Variants in CCDC150 observed in about 807,000 individuals in gnomAD.
CCDC150 encodes coiled-coil domain containing 150.
In CCDC150, 151 loss-of-function variants were observed where a neutral mutation model predicts 156.5. The observed-to-expected ratio is 0.97, with a 90% CI of 0.85 to 1.10. The LOEUF (loss-of-function observed/expected upper bound fraction) is 1.10. Among genes scored for constraint, CCDC150 ranks in the 50% least tolerant of loss-of-function variants. The pLI, the probability that CCDC150 is intolerant of heterozygous loss-of-function variation, is 0.00. For missense variants in CCDC150, 1,312 were observed against 1,268.1 expected, an observed-to-expected ratio of 1.03 and a Z score of -0.53; for synonymous variants, 452 against 429.4, an observed-to-expected ratio of 1.05 and a Z score of -0.65.
chr2:196,667,497 T>C (rs1693917695), intron 7 of CCDC150: 1 of 153,238 alleles, frequency 6.5e-6, no homozygotes, highest in Non-Finnish European at 1.5e-5. Context: ...TTCCAGGTAG[T>C]CTCAATGACA....
chr2:196,729,094 A>G, intron 22 of CCDC150, 99 bp from the exon 23 acceptor site: 1 of 1,094,468 alleles, frequency 9.1e-7, no homozygotes, highest in Non-Finnish European at 1.3e-6. Flanking sequence ...TCTCCTTTTT[A>G]AAAGAAGATC....
chr2:196,703,160 A>G (rs896917105), intron 15 of CCDC150, among the ~76,000 whole-genome samples: 2 of 152,204 alleles, frequency 1.3e-5, no homozygotes, highest in Non-Finnish European at 2.9e-5. Flanking sequence ...AGCAGCAACT[A>G]TGGAGCTGAT....
Position 196,718,565 on chromosome 2 carries a change from G to A in CCDC150, c.1929G>A (p.Ala643=), listed in dbSNP as rs777193035. 16 of 1,613,604 alleles carry A rather than the reference G, an allele frequency of 9.9e-6. No homozygotes were observed. The highest frequency in any genetic ancestry group is 2.2e-5 in the South Asian group (2 of 91,038). ...ELSRTVKCRN[A]ALKESQKLKE... is the part of the protein sequence containing the mutation. ...CCCGAACAGTGAAGTGTCGTAATGC[G>A]GCCCTGAAAGAGAGTCAGAAGTTGA... Residue 643 remains alanine, a synonymous_variant, in exon 18 of 28, where the codon GCG becomes GCA. Coordinates refer to ENST00000389175, the MANE Select transcript of CCDC150 (RefSeq NM_001080539.2).
chr2:196,700,729 G>A (rs1475613306), intron 14 of CCDC150, among the ~76,000 whole-genome samples: 1 of 152,062 alleles, frequency 6.6e-6, no homozygotes, highest in Non-Finnish European at 1.5e-5. Context: ...CAGTGGTCCT[G>A]GTCACTTGCA....
At chr2:196,720,335 G>T in intron 19 of CCDC150, 1 of 469,738 alleles carries the variant, frequency 2.1e-6, no homozygotes, top group Non-Finnish European at 4.0e-6. Flanking sequence ...CAAGGGAATG[G>T]TATTAAAAAT....
rs371013449 is a variant in CCDC150 at position 196,730,016 on chromosome 2, G to A, written c.2880G>A (p.Met960Ile). 1.4e-5 allele frequency: 23 copies of A among 1,613,630 alleles called. No individual in the cohort carries two copies. Among genetic ancestry groups the A allele is most frequent in the East Asian group, 2.2e-5 (1 of 44,896 alleles). ...CTAACCTGCAGAAAGAGATGCAGAT[G>A]TTGGCTAAGAGCCAATATGATGCCT... ...EMTNLQKEMQ[M>I]LAKSQYDASV... Residue 960 changes from methionine to isoleucine, a missense_variant, in exon 25 of 28, where the codon ATG becomes ATA. Met to Ile is a conservative substitution (Grantham distance 10, BLOSUM62 1). Transcript: ENST00000389175.
chr2:196,705,717 T>C (rs1696577029), intron 15 of CCDC150, among the ~76,000 whole-genome samples: 1 of 152,214 alleles, frequency 6.6e-6, no homozygotes. Context: ...CCATCTTGAA[T>C]TAATTTTTGT....
chr2:196,660,276 G>A (rs1693484597), intron 5 of CCDC150, among the ~76,000 whole-genome samples: 1 of 152,132 alleles, frequency 6.6e-6, no homozygotes, highest in Non-Finnish European at 1.5e-5. Flanking sequence ...TAAACATTGT[G>A]TGCAGGTTCT....
chr2:196,669,060 A>G (rs1437563477), intron 7 of CCDC150, among the ~76,000 whole-genome samples: 4 of 152,218 alleles, frequency 2.6e-5, no homozygotes, highest in Non-Finnish European at 4.4e-5. Context: ...CTACTAGTAT[A>G]TAATACCAAA....
Position 196,674,222 on chromosome 2 carries a change from G to T in CCDC150, c.1030-19G>T. ...TCTTTATTGGAGAGACCAATGACTT[G>T]CTGTGTGTGTTTTCTTAGGTTTTGA... On this transcript the variant is annotated intron_variant, in intron 9 of 27. Coordinates refer to ENST00000389175, the MANE Select transcript of CCDC150 (RefSeq NM_001080539.2). The T allele has an allele frequency of 2.1e-6, 3 of 1,440,000 alleles. No individual in the cohort carries two copies. The highest frequency in any genetic ancestry group is 2.8e-5 in the African/African-American group (2 of 70,774). The allele number at this position is 1,440,000 out of a possible 1,614,324, so 89.2% of individuals were successfully genotyped here.
intron 5 of CCDC150, among the ~76,000 whole-genome samples, chr2:196,663,308 A>G (rs1045414462): frequency 6.6e-6 from 1 of 152,198 alleles, no homozygotes; most frequent in Non-Finnish European, 1.5e-5. Flanking sequence ...GATAAGTATG[A>G]CAGTTTATTA....
chr2:196,712,185 C>T lies in CCDC150; in HGVS notation c.1736C>T (p.Thr579Ile). 6.3e-7 allele frequency: 1 copy of T among 1,587,022 alleles called. No individual in the cohort carries two copies. The highest frequency in any genetic ancestry group is 8.6e-7 in the Non-Finnish European group (1 of 1,164,240). ...KQLEEQVQSF[T>I]DTSLQNDHLR... The stretch of plus-strand genomic sequence containing the variant: ...CTAGAAGAACAAGTACAGTCTTTTA[C>T]TGACACCAGCTTACAGAATGATCAT... The change falls in exon 16 of 28, where the codon ACT becomes ATT. Residue 579 changes from threonine to isoleucine, a missense_variant. Thr to Ile is a moderately conservative substitution (Grantham distance 89). Transcript: ENST00000389175.
Position 196,719,548 on chromosome 2 carries a change from G to A in CCDC150, c.2047G>A (p.Val683Ile), listed in dbSNP as rs926093852. ...AGAAGCTAAAGAAGACAACTGCAAAGTCACAATCATGTTGGAGAATGTGCT... is the reference window on the plus strand; with the variant it reads ...AGAAGCTAAAGAAGACAACTGCAAAATCACAATCATGTTGGAGAATGTGCT... ...LAEAKEDNCK[V>I]TIMLENVLAS... Residue 683 changes from valine to isoleucine, a missense_variant, in exon 19 of 28, where the codon GTC becomes ATC. Coordinates refer to ENST00000389175, the MANE Select transcript of CCDC150 (RefSeq NM_001080539.2). The A allele has an allele frequency of 1.2e-6, 2 of 1,612,428 alleles. No individual in the cohort carries two copies. The highest frequency in any genetic ancestry group is 2.7e-5 in the African/African-American group (2 of 74,824).
chr2:196,729,095 A>G, intron 22 of CCDC150, 98 bp from the exon 23 acceptor site: 1 of 1,107,564 alleles, frequency 9.0e-7, no homozygotes, highest in Non-Finnish European at 1.3e-6. Context: ...CTCCTTTTTA[A>G]AAGAAGATCC....
Position 196,696,599 on chromosome 2 carries a change from A to G in CCDC150, c.1623+1440A>G, listed in dbSNP as rs1440777959. 2.0e-5 allele frequency among the ~76,000 whole-genome samples: 3 copies of G among 152,332 alleles called. No homozygotes were observed. In the South Asian group the frequency reaches 6.2e-4, roughly 32 times the overall value. On this transcript the variant is annotated intron_variant, in intron 14 of 27. Coordinates refer to ENST00000389175, the MANE Select transcript of CCDC150 (RefSeq NM_001080539.2). ...ACCATGTCTTGATTACAGGTTCCCA[A>G]TGATGACTCATAGATAACGCAATTC...
At chr2:196,693,066 C>G (rs558298887) in intron 13 of CCDC150, among the ~76,000 whole-genome samples, 1 of 152,132 alleles carries the variant, frequency 6.6e-6, no homozygotes, top group Admixed American at 6.5e-5. Flanking sequence ...TTATGTAATG[C>G]CCTTCTTTGT....
intron 22 of CCDC150, chr2:196,726,401 G>GTTCA (rs1559280675): frequency 8.2e-6 from 2 of 244,638 alleles, no homozygotes; most frequent in Admixed American, 4.6e-5. Flanking sequence ...TGTCTTCTCA[G>GTTCA]TTCATTTAAC....
intron 15 of CCDC150, among the ~76,000 whole-genome samples, chr2:196,702,649 G>C (rs980530484): frequency 1.3e-5 from 2 of 151,720 alleles, no homozygotes; most frequent in African/African-American, 2.4e-5. Context: ...GGGATTACAA[G>C]AGACTTCAGT....
intron 2 of CCDC150, among the ~76,000 whole-genome samples, chr2:196,654,516 T>C (rs1263875047): frequency 2.6e-5 from 4 of 152,116 alleles, no homozygotes; most frequent in Non-Finnish European, 5.9e-5. Context: ...TTCCACTTCA[T>C]ATAGTCTGCC....
Sources: gnomAD v4.1 joint callset for allele counts (sites outside exome capture counted in the v4.1 genomes callset) on GRCh38, gnomAD v4.1.1 for gene constraint, MANE v1.5 for transcripts, NCBI Gene and HGNC (gene_info 2026-07-23, HGNC 2026-07-21) for gene names.